The following MYT1L variants were observed in gnomAD, a reference collection of about 807,000 sequenced individuals.
MYT1L encodes the protein myelin transcription factor 1-like protein.
MYT1L carries 12 observed loss-of-function variants against 126.7 expected under a neutral mutation model. The observed-to-expected ratio is 0.09, with a 90% confidence interval of 0.06 to 0.15. The LOEUF (loss-of-function observed/expected upper bound fraction) is 0.15, where lower values mean the gene tolerates loss of function less well. Ranked by LOEUF, MYT1L falls within the 10% of genes least tolerant of loss-of-function variation. MYT1L has a pLI of 1.00. For synonymous variants in MYT1L, 541 were observed against 604.2 expected (o/e 0.90, Z 1.53); for missense variants, 979 against 1,585.2 (o/e 0.62, Z 6.49).
chr2:2,078,397 T>C (rs77069274), intron 3 of MYT1L, among the ~76,000 whole-genome samples: 1,798 of 152,218 alleles, frequency 0.012, 16 homozygotes, highest in Non-Finnish European at 0.016. Context: ...AGAGAATAGA[T>C]TTGAAACAAA....
At chr2:1,825,318 A>G (rs2039156146) in intron 21 of MYT1L, 1 of 152,252 alleles carries the variant, frequency 6.6e-6, no homozygotes, top group South Asian at 2.1e-4. Flanking sequence ...ACAGCGACCT[A>G]GTTATGGCGA....
At position 1,889,007 on chromosome 2, in the gene MYT1L, T is replaced by C. The variant is rs1265533380; in HGVS notation, c.2520+234A>G. Among the ~76,000 whole-genome samples the C allele has an allele frequency of 3.9e-5, 6 of 152,228 alleles. No homozygotes were observed. The East Asian group carries it at 1.2e-3, about 29-fold the overall frequency. On this transcript the variant is annotated intron_variant, in intron 16 of 24. Transcript: ENST00000647738. The surrounding 1 kb of genome is among the most constrained non-coding windows in gnomAD (Gnocchi z 4.1). Reference sequence around the variant, plus strand: ...ATCATTTGTAACAAAACATATTTGTTAGAAAATAAACTTTATCATTTACAA... The same window carrying C: ...ATCATTTGTAACAAAACATATTTGTCAGAAAATAAACTTTATCATTTACAA...
intron 2 of MYT1L, among the ~76,000 whole-genome samples, chr2:2,222,373 T>G (rs1371918681): frequency 5.4e-5 from 8 of 148,444 alleles, no homozygotes; most frequent in Non-Finnish European, 1.2e-4. Flanking sequence ...GCACCCGTGA[T>G]CCCAGCTACT....
intron 4 of MYT1L, among the ~76,000 whole-genome samples, chr2:2,042,826 T>C (rs868556312): frequency 2.0e-5 from 3 of 152,166 alleles, no homozygotes; most frequent in Admixed American, 6.5e-5. Flanking sequence ...CCTGTCCTCA[T>C]TCTTGATGTC....
chr2:1,966,910 C>T (rs1056535063), intron 8 of MYT1L, among the ~76,000 whole-genome samples: 1 of 152,118 alleles, frequency 6.6e-6, no homozygotes, highest in Non-Finnish European at 1.5e-5. Flanking sequence ...GGACGAATGG[C>T]ACATTGTGAC....
intron 2 of MYT1L, among the ~76,000 whole-genome samples, chr2:2,249,216 A>G (rs2094590325): frequency 6.6e-6 from 1 of 152,110 alleles, no homozygotes; most frequent in Non-Finnish European, 1.5e-5. Flanking sequence ...GCATTTTTAT[A>G]TGTCAATGCT....
intron 1 of MYT1L, among the ~76,000 whole-genome samples, chr2:2,294,058 G>A (rs1050762972): frequency 3.3e-5 from 5 of 152,004 alleles, no homozygotes; most frequent in African/African-American, 1.2e-4. Flanking sequence ...TAAGGAGGAA[G>A]AGAAAAAAAA....
intron 8 of MYT1L, among the ~76,000 whole-genome samples, chr2:1,959,376 C>T (rs200362327): frequency 3.5e-4 from 54 of 152,294 alleles, no homozygotes; most frequent in African/African-American, 9.1e-4. Context: ...CCTCTCAGAC[C>T]GTCTGGATGT....
intron 3 of MYT1L, among the ~76,000 whole-genome samples, chr2:2,151,681 C>T (rs546756551): frequency 2.6e-5 from 4 of 152,090 alleles, no homozygotes; most frequent in Non-Finnish European, 5.9e-5. Context: ...ATATACATAC[C>T]TAGGATAAAG....
intron 8 of MYT1L, among the ~76,000 whole-genome samples, chr2:1,957,421 C>T (rs935732821): frequency 6.6e-6 from 1 of 152,086 alleles, no homozygotes; most frequent in African/African-American, 2.4e-5. Context: ...CCCCCTCCCC[C>T]ACTCTCCCAA....
At chr2:1,815,726 A>G (rs1572496219) in intron 21 of MYT1L, among the ~76,000 whole-genome samples, 1 of 152,214 alleles carries the variant, frequency 6.6e-6, no homozygotes, top group Admixed American at 6.5e-5. Context: ...GCCTCTCCGC[A>G]CCAGACAGTC....
chr2:1,874,054 G>T (rs561667076), intron 18 of MYT1L, among the ~76,000 whole-genome samples: 78 of 74,522 alleles, frequency 1.0e-3, no homozygotes, highest in Non-Finnish European at 9.8e-4. Context: ...ACAGGGAGAG[G>T]GCAAGGAGAG....
chr2:2,071,132 T>TA (rs2074544769), intron 3 of MYT1L, among the ~76,000 whole-genome samples: 1 of 152,112 alleles, frequency 6.6e-6, no homozygotes, highest in South Asian at 2.1e-4. Context: ...ACCATGGAAA[T>TA]AAAAAATGTT....
intron 3 of MYT1L, among the ~76,000 whole-genome samples, chr2:2,134,850 C>T (rs915509200): frequency 1.3e-5 from 2 of 152,158 alleles, no homozygotes; most frequent in African/African-American, 2.4e-5. Context: ...ACATGTATTG[C>T]AAAGGAGGGC....
intron 4 of MYT1L, among the ~76,000 whole-genome samples, chr2:2,004,800 GTTCTTTCCTGCAGGCA>G (rs1196406506): frequency 1.4e-5 from 1 of 73,776 alleles, no homozygotes; most frequent in South Asian, 4.1e-4. Flanking sequence ...TCCTGCATGT[GTTCTTTCCTGCAGGCA>G]TTCTTTCCTG....
At chr2:2,297,031 G>A (rs1040453346) in intron 1 of MYT1L, among the ~76,000 whole-genome samples, 9 of 152,088 alleles carry the variant, frequency 5.9e-5, no homozygotes, top group African/African-American at 1.9e-4. Context: ...GGAACCACCT[G>A]CCTTCCCAGG....
intron 8 of MYT1L, among the ~76,000 whole-genome samples, chr2:1,952,384 G>A (rs564339578): frequency 6.6e-6 from 1 of 152,072 alleles, no homozygotes; most frequent in Non-Finnish European, 1.5e-5. Context: ...ACTCAATAAT[G>A]AGAGTAAAGG....
At chr2:1,842,809 G>A (rs1443001444) in intron 19 of MYT1L, 1 of 156,972 alleles carries the variant, frequency 6.4e-6, no homozygotes, top group Non-Finnish European at 1.4e-5. Context: ...TCCTTGCTGA[G>A]TTTTGCTTCC....
At chr2:2,158,492 T>G (rs2087126166) in intron 3 of MYT1L, among the ~76,000 whole-genome samples, 1 of 152,090 alleles carries the variant, frequency 6.6e-6, no homozygotes, top group Admixed American at 6.5e-5. Flanking sequence ...TCTTTGCACT[T>G]AAGTGACTAA....
Sources: gnomAD v4.1 joint callset for allele counts (sites outside exome capture counted in the v4.1 genomes callset) on GRCh38, gnomAD v4.1.1 for gene constraint, Gnocchi (gnomAD v3.1) non-coding constraint, MANE v1.5 for transcripts, NCBI Gene and HGNC (gene_info 2026-07-23, HGNC 2026-07-21) for gene names.